Variants in IQGAP2 observed in about 807,000 individuals in gnomAD.
IQGAP2 encodes the protein ras GTPase-activating-like protein IQGAP2.
Under a neutral mutation model 201.3 loss-of-function variants are expected in IQGAP2, and 173 were observed. The observed-to-expected ratio is 0.86, with a 90% CI of 0.76 to 0.98. The LOEUF (loss-of-function observed/expected upper bound fraction) is 0.98. Among genes scored for constraint, IQGAP2 ranks in the 50% least tolerant of loss-of-function variants. IQGAP2 has a pLI of 0.00. For missense variants in IQGAP2, 1,687 were observed against 1,864.8 expected (o/e 0.90, Z 1.76); for synonymous variants, 675 against 673.9 (o/e 1.00, Z -0.03).
chr5:76,587,937 C>T (rs527582262), intron 5 of IQGAP2, among the ~76,000 whole-genome samples: 86 of 146,940 alleles, frequency 5.9e-4, no homozygotes, highest in Non-Finnish European at 9.4e-4. Flanking sequence ...CAGAGCAAGA[C>T]TCTGTCTCAA....
chr5:76,472,750 C>T (rs79358444), intron 2 of IQGAP2, among the ~76,000 whole-genome samples: 10,362 of 152,208 alleles, frequency 0.068, 370 homozygotes, highest in South Asian at 0.16. Flanking sequence ...TTTTAAAATA[C>T]AAATAATCGG....
Position 76,637,140 on chromosome 5 carries a change from G to T in IQGAP2, c.1887G>T (p.Leu629Phe), listed in dbSNP as rs2455230. 1.7e-5 allele frequency: 28 copies of T among 1,608,716 alleles called. No individual in the cohort carries two copies. Among genetic ancestry groups the T allele is most frequent in the Non-Finnish European group, 2.1e-5 (25 of 1,177,460 alleles). Reference sequence around the variant, plus strand: ...CCTGGGTCACACCTGAATCATGCTTGTATAAAGAATCATGGCTCACAGGAA... The same window carrying T: ...CCTGGGTCACACCTGAATCATGCTTTTATAAAGAATCATGGCTCACAGGAA... ...ESSWVTPESC[L>F]YKESWLTGKE... The change falls in exon 16 of 36, where the codon TTG becomes TTT. Residue 629 changes from leucine to phenylalanine, a missense_variant. By Grantham distance (22) the Leu-to-Phe change is conservative. Coordinates refer to ENST00000274364, the MANE Select transcript of IQGAP2 (RefSeq NM_006633.5).
chr5:76,536,557 C>T (rs192683755), intron 2 of IQGAP2, among the ~76,000 whole-genome samples: 1 of 151,490 alleles, frequency 6.6e-6, no homozygotes, highest in South Asian at 2.1e-4. Context: ...GTCAGGAGTT[C>T]AAGACCAGCC....
At chr5:76,619,022 T>A (rs1299097884) in intron 13 of IQGAP2, among the ~76,000 whole-genome samples, 4 of 152,204 alleles carry the variant, frequency 2.6e-5, no homozygotes, top group Non-Finnish European at 4.4e-5. Context: ...GAGCAAAGAC[T>A]AGCAAGGTTC....
chr5:76,404,444 C>T (rs934705760), intron 1 of IQGAP2: 2 of 985,028 alleles, frequency 2.0e-6, no homozygotes, highest in Non-Finnish European at 2.4e-6. Context: ...GAAAGTTGGC[C>T]TGCTGTCTCT....
At chr5:76,441,583 A>C in intron 1 of IQGAP2, 29 of 903,664 alleles carry the variant, frequency 3.2e-5, no homozygotes, top group East Asian at 1.2e-4. Context: ...CGTGAATCTC[A>C]GCGGTATGTT....
intron 17 of IQGAP2, among the ~76,000 whole-genome samples, chr5:76,649,408 C>T (rs888956967): frequency 2.0e-5 from 3 of 152,080 alleles, no homozygotes; most frequent in African/African-American, 7.2e-5. Flanking sequence ...GCAAACTTCC[C>T]TCAAAGAATG....
At chr5:76,452,385 C>T (rs915678729) in intron 1 of IQGAP2, among the ~76,000 whole-genome samples, 1 of 152,048 alleles carries the variant, frequency 6.6e-6, no homozygotes, top group Non-Finnish European at 1.5e-5. Context: ...TGCTATCCCT[C>T]TACCCTCCCC....
At chr5:76,493,826 T>G (rs1756714017) in intron 2 of IQGAP2, among the ~76,000 whole-genome samples, 1 of 152,176 alleles carries the variant, frequency 6.6e-6, no homozygotes, top group Admixed American at 6.5e-5. Context: ...TTTTCCCCAC[T>G]ACCAAGTGGA....
chr5:76,561,426 T>G (rs968368748), intron 2 of IQGAP2, among the ~76,000 whole-genome samples: 1 of 152,202 alleles, frequency 6.6e-6, no homozygotes, highest in East Asian at 1.9e-4. Context: ...GTTTAAGTGT[T>G]GGCAGGATCA....
intron 24 of IQGAP2, among the ~76,000 whole-genome samples, chr5:76,672,794 A>G (rs993394056): frequency 2.0e-5 from 3 of 151,716 alleles, no homozygotes; most frequent in African/African-American, 7.3e-5. Context: ...TTGGACAGTT[A>G]TGCACTAAGG....
intron 2 of IQGAP2, among the ~76,000 whole-genome samples, chr5:76,523,076 CTTTT>C (rs35277348): frequency 1.3e-5 from 1 of 78,372 alleles, no homozygotes; most frequent in Non-Finnish European, 2.3e-5. Context: ...TTTCTTTTGC[CTTTT>C]TTTTTTTTTT....
intron 1 of IQGAP2, among the ~76,000 whole-genome samples, chr5:76,442,999 TAAATA>T (rs993121699): frequency 2.0e-4 from 30 of 152,030 alleles, no homozygotes; most frequent in African/African-American, 5.8e-4. Context: ...AAGATAAGAA[TAAATA>T]AAATAAAATC....
intron 2 of IQGAP2, among the ~76,000 whole-genome samples, chr5:76,551,673 C>T (rs62361992): frequency 0.016 from 2,464 of 152,066 alleles, 59 homozygotes; most frequent in African/African-American, 0.055. Flanking sequence ...GCCAACACGG[C>T]GAAACCCCGT....
intron 3 of IQGAP2, among the ~76,000 whole-genome samples, chr5:76,564,461 G>A (rs1172650915): frequency 1.3e-5 from 2 of 152,100 alleles, no homozygotes; most frequent in African/African-American, 2.4e-5. Context: ...CTGGGAAGAC[G>A]GGCCCTTCAT....
intron 1 of IQGAP2, among the ~76,000 whole-genome samples, chr5:76,414,861 C>T (rs948585981): frequency 6.6e-6 from 1 of 152,200 alleles, no homozygotes; most frequent in African/African-American, 2.4e-5. Context: ...CTTCACTGGA[C>T]TCTGCCTGTA....
At chr5:76,476,455 A>G (rs1206970588) in intron 2 of IQGAP2, among the ~76,000 whole-genome samples, 1 of 152,106 alleles carries the variant, frequency 6.6e-6, no homozygotes, top group Non-Finnish European at 1.5e-5. Context: ...TGGGTTTATG[A>G]GGGGTGGGAT....
intron 2 of IQGAP2, among the ~76,000 whole-genome samples, chr5:76,500,524 A>G (rs568049517): frequency 1.3e-5 from 2 of 152,318 alleles, no homozygotes; most frequent in South Asian, 4.1e-4. Flanking sequence ...GAAATAGATC[A>G]TGTCTACGAA....
chr5:76,482,833 C>T (rs1423702242), intron 2 of IQGAP2, among the ~76,000 whole-genome samples: 1 of 152,118 alleles, frequency 6.6e-6, no homozygotes, highest in East Asian at 1.9e-4. Flanking sequence ...ATGTATGAAC[C>T]ATAGTCGATT....
Sources: allele counts gnomAD v4.1 joint callset (sites outside exome capture counted in the v4.1 genomes callset), GRCh38; gene constraint gnomAD v4.1.1; transcripts MANE v1.5; gene names NCBI Gene and HGNC (gene_info 2026-07-23, HGNC 2026-07-21).